Variants in GNAL observed in about 807,000 individuals in gnomAD.
The protein encoded by GNAL is G protein subunit alpha L, also known as guanine nucleotide-binding protein G(olf) subunit alpha.
A neutral mutation model predicts 55.1 loss-of-function variants in GNAL; 18 were observed. The ratio of observed to expected loss-of-function variants is 0.33; its 90% CI spans 0.23 to 0.48. GNAL has a LOEUF of 0.48. Among genes scored for constraint, GNAL ranks in the 20% least tolerant of loss-of-function variants. GNAL has a pLI of 0.99. For missense variants in GNAL, 412 were observed against 614.1 expected (o/e 0.67, Z 3.48); for synonymous variants, 253 against 237.0 (o/e 1.07, Z -0.62).
At position 11,815,550 on chromosome 18, in the gene GNAL, AG is replaced by A. The variant is rs1167047145; in HGVS notation, c.625-9363del. Among the ~76,000 whole-genome samples, 7 of 152,288 alleles carry A rather than the reference AG, an allele frequency of 4.6e-5. No homozygotes were observed. In the East Asian group the frequency reaches 1.2e-3, roughly 25 times the overall value. On this transcript the variant is annotated intron_variant, in intron 4 of 11. Transcript: ENST00000334049. ...AGCTCTCACGAGCACTAAGTCACCG[AG>A]GGGGAAGTCTGCCTCCATGATCCAG...
intron 5 of GNAL, among the ~76,000 whole-genome samples, chr18:11,845,532 A>G (rs59864555): frequency 0.022 from 3,323 of 152,212 alleles, 124 homozygotes; most frequent in African/African-American, 0.075. Flanking sequence ...ACCTAACAAT[A>G]TTTCACGTGT....
chr18:11,826,702 G>A (rs954867263), intron 5 of GNAL, among the ~76,000 whole-genome samples: 2 of 152,166 alleles, frequency 1.3e-5, no homozygotes, highest in African/African-American at 2.4e-5. Flanking sequence ...GGTGAACCAC[G>A]GTGCCATTTA....
intron 7 of GNAL, among the ~76,000 whole-genome samples, chr18:11,866,672 G>T (rs2036270111): frequency 6.7e-6 from 1 of 150,192 alleles, no homozygotes; most frequent in South Asian, 2.1e-4. Context: ...CCAGGCAGAG[G>T]TGGCTAGAGA....
At chr18:11,879,960 T>C (rs1179868406) in intron 11 of GNAL, among the ~76,000 whole-genome samples, 1 of 152,032 alleles carries the variant, frequency 6.6e-6, no homozygotes, top group African/African-American at 2.4e-5. Context: ...CATATGGACA[T>C]TTAATTAAAA....
rs187416075 is a variant in GNAL, at chr18:11,741,318, A to C, written c.377-11535A>C. The stretch of plus-strand genomic sequence containing the variant: ...GACCAAATTGTGGGCAATATGGTGC[A>C]TTCTATAATCATCAAATGAGATGCT... On this transcript the variant is annotated intron_variant, in intron 1 of 11. Coordinates refer to ENST00000334049, the MANE Select transcript of GNAL (RefSeq NM_182978.4). Among the ~76,000 whole-genome samples the C allele has an allele frequency of 1.6e-4, 25 of 152,368 alleles. 1 individual carries two copies. The highest frequency in any genetic ancestry group is 1.4e-3 in the Admixed American group (21 of 15,308).
chr18:11,748,122 T>C (rs752193058), intron 1 of GNAL, among the ~76,000 whole-genome samples: 8 of 152,192 alleles, frequency 5.3e-5, no homozygotes, highest in Admixed American at 1.3e-4. Context: ...GGTCAGGTGA[T>C]TGGGTTAAAA....
chr18:11,849,501 CAAAAAAAA>C (rs71172025), intron 5 of GNAL, among the ~76,000 whole-genome samples: 88,236 of 130,954 alleles, frequency 0.67, 29,717 homozygotes, highest in Admixed American at 0.8. Flanking sequence ...GATTTCATCT[CAAAAAAAA>C]AAAAAAAAAA....
intron 1 of GNAL, among the ~76,000 whole-genome samples, chr18:11,724,109 C>T (rs8099450): frequency 0.013 from 1,976 of 152,260 alleles, 39 homozygotes; most frequent in African/African-American, 0.045. Flanking sequence ...TAGAAGCCTG[C>T]ATTAGTCTGT....
intron 5 of GNAL, among the ~76,000 whole-genome samples, chr18:11,850,182 G>T (rs1031641947): frequency 6.6e-6 from 1 of 152,174 alleles, no homozygotes; most frequent in African/African-American, 2.4e-5. Flanking sequence ...TCCATGCTGC[G>T]GTTTGCTTTG....
At chr18:11,732,736 C>G (rs532141363) in intron 1 of GNAL, among the ~76,000 whole-genome samples, 1 of 152,274 alleles carries the variant, frequency 6.6e-6, no homozygotes, top group Admixed American at 6.5e-5. Flanking sequence ...GAGGGATAGA[C>G]GGAGTGTTCA....
At chr18:11,736,061 C>G (rs540079045) in intron 1 of GNAL, among the ~76,000 whole-genome samples, 4 of 152,300 alleles carry the variant, frequency 2.6e-5, no homozygotes, top group African/African-American at 9.6e-5. Flanking sequence ...ATCTCCAAAT[C>G]TAGTCTATTT....
rs78334068 is a variant in GNAL at position 11,731,584 on chromosome 18, G to A, written c.377-21269G>A. ...TCCTTGACAAAACAGAAGAAAGAAC[G>A]TAGAAATCCCACTGCGCAATTGAAT... On this transcript the variant is annotated intron_variant, in intron 1 of 11. Transcript: ENST00000334049. Among the ~76,000 whole-genome samples, 106 of 152,322 alleles carry A rather than the reference G, an allele frequency of 7.0e-4. 1 individual carries two copies. The East Asian group carries it at 0.016, about 22-fold the overall frequency.
At chr18:11,767,419 C>T (rs2033444143) in intron 4 of GNAL, among the ~76,000 whole-genome samples, 1 of 151,596 alleles carries the variant, frequency 6.6e-6, no homozygotes, top group African/African-American at 2.4e-5. Context: ...TGTACCCCTG[C>T]CGCTGTGCAC....
chr18:11,846,405 TTATATATAA>T (rs1050629755), intron 5 of GNAL, among the ~76,000 whole-genome samples: 2 of 148,010 alleles, frequency 1.4e-5, no homozygotes, highest in African/African-American at 4.9e-5. Flanking sequence ...CATCATTTTT[TTATATATAA>T]ATATATAAAT....
intron 5 of GNAL, chr18:11,851,988 G>A (rs2035882044): frequency 3.1e-6 from 5 of 1,613,638 alleles, no homozygotes; most frequent in Non-Finnish European, 4.2e-6. Context: ...TGGCAGATGA[G>A]GCGGGCCTCG....
chr18:11,768,400 G>A (rs2033479242), intron 4 of GNAL, among the ~76,000 whole-genome samples: 1 of 152,024 alleles, frequency 6.6e-6, no homozygotes, highest in African/African-American at 2.4e-5. Context: ...TCAGGAGTTC[G>A]AGACCAGCCT....
chr18:11,790,660 TC>T (rs67681583), intron 4 of GNAL, among the ~76,000 whole-genome samples: 50,025 of 100,450 alleles, frequency 0.5, 11,806 homozygotes, highest in Admixed American at 0.59. Context: ...TCTTTTTTTT[TC>T]TTTTTTTTTT....
chr18:11,689,746 G>A lies in GNAL; in HGVS notation c.183G>A (p.Pro61=). ...TCCCTCGGGGCGGCGAAGGGAGCCC[G>A]GCATGCGCTCGGCCCAAAGCAGACA... ...TLLPRGGEGS[P]ACARPKADKP... The change falls in exon 1 of 12, where the codon CCG becomes CCA. Residue 61 remains proline (P), a synonymous_variant. Transcript: ENST00000334049. The A allele has an allele frequency of 4.0e-6, 6 of 1,507,342 alleles. No individual in the cohort carries two copies. Among genetic ancestry groups the A allele is most frequent in the Non-Finnish European group, 5.3e-6 (6 of 1,131,688 alleles). The allele number at this position is 1,507,342 out of a possible 1,614,324, so 93.4% of individuals were successfully genotyped here. A position where few individuals can be genotyped will look rare whatever the true frequency, so the allele number is the denominator to read the frequency against.
chr18:11,780,671 T>G (rs1293541725), intron 4 of GNAL, among the ~76,000 whole-genome samples: 5 of 152,122 alleles, frequency 3.3e-5, no homozygotes, highest in Non-Finnish European at 5.9e-5. Context: ...GCCTTTGGGT[T>G]TTCACGTCTG....
Sources: gnomAD v4.1 joint callset for allele counts (sites outside exome capture counted in the v4.1 genomes callset) on GRCh38, gnomAD v4.1.1 for gene constraint, MANE v1.5 for transcripts, NCBI Gene and HGNC (gene_info 2026-07-23, HGNC 2026-07-21) for gene names.